Variants in FAF1 observed in about 807,000 individuals in gnomAD.
FAF1 encodes the protein FAS-associated factor 1.
FAF1 carries 25 observed loss-of-function variants against 92.5 expected under a neutral mutation model. The observed-to-expected ratio is 0.27, with a 90% CI of 0.20 to 0.38. The LOEUF is 0.38. Among genes scored for constraint, FAF1 ranks in the 10% least tolerant of loss-of-function variants. FAF1 has a pLI of 1.00. For missense variants in FAF1, 636 were observed against 793.3 expected (o/e 0.80, Z 2.38); for synonymous variants, 234 against 273.2 (o/e 0.86, Z 1.42).
intron 1 of FAF1, among the ~76,000 whole-genome samples, chr1:50,880,620 C>A (rs938524249): frequency 6.6e-6 from 1 of 152,164 alleles, no homozygotes; most frequent in Non-Finnish European, 1.5e-5. Context: ...GAGGAGCCTT[C>A]GCTAGAAATG....
rs189179824 is a variant in FAF1, at chr1:50,837,000, C to T, written c.114+20929G>A. 7.6e-3 allele frequency among the ~76,000 whole-genome samples: 1,098 copies of T among 144,646 alleles called. 12 individuals carry two copies. Among genetic ancestry groups the T allele is most frequent in the Middle Eastern group, 0.071 (20 of 280 alleles). 94.9% of individuals were successfully genotyped at this position (144,646 alleles called of 152,430 possible). ...TGAGATGGAGTCTTGCTCTGTCGCC[C>T]AGGCTGGAGTGCAGTGGTGTGATCT... On this transcript the variant is annotated intron_variant, in intron 2 of 18. Coordinates refer to ENST00000396153, the MANE Select transcript of FAF1 (RefSeq NM_007051.3).
chr1:50,496,910 C>A (rs1442492698), intron 15 of FAF1, among the ~76,000 whole-genome samples: 1 of 150,954 alleles, frequency 6.6e-6, no homozygotes, highest in African/African-American at 2.4e-5. Context: ...AAAAAGTTAT[C>A]TCTGGGATAA....
chr1:50,873,069 T>C (rs1210710930), intron 1 of FAF1, among the ~76,000 whole-genome samples: 4 of 152,184 alleles, frequency 2.6e-5, no homozygotes, highest in African/African-American at 9.7e-5. Context: ...CCTATCAACG[T>C]TGAGGCAAGA....
At chr1:50,616,908 T>A (rs1350085617) in intron 8 of FAF1, among the ~76,000 whole-genome samples, 1 of 152,180 alleles carries the variant, frequency 6.6e-6, no homozygotes, top group Admixed American at 6.5e-5. Context: ...CTCAAACTCC[T>A]GACCTCAAGT....
chr1:50,884,396 T>C (rs192124033), intron 1 of FAF1, among the ~76,000 whole-genome samples: 22 of 151,312 alleles, frequency 1.5e-4, no homozygotes, highest in African/African-American at 4.6e-4. Flanking sequence ...GGCATGGTGA[T>C]ATGCACCTGC....
intron 8 of FAF1, among the ~76,000 whole-genome samples, chr1:50,645,157 C>T (rs1654525729): frequency 6.6e-6 from 1 of 152,230 alleles, no homozygotes; most frequent in Admixed American, 6.5e-5. Context: ...TCACCACCAT[C>T]AGAAGCAACA....
At chr1:50,842,304 G>C (rs1644262498) in intron 2 of FAF1, among the ~76,000 whole-genome samples, 1 of 152,038 alleles carries the variant, frequency 6.6e-6, no homozygotes, top group Admixed American at 6.5e-5. Flanking sequence ...CCAAGAAAAA[G>C]AGTCAAGGGT....
At chr1:50,817,446 G>T (rs933807054) in intron 2 of FAF1, among the ~76,000 whole-genome samples, 1 of 152,150 alleles carries the variant, frequency 6.6e-6, no homozygotes. Context: ...CAAAATTATA[G>T]AGACAGACAG....
intron 6 of FAF1, among the ~76,000 whole-genome samples, chr1:50,725,482 G>C (rs979587565): frequency 2.6e-5 from 4 of 152,122 alleles, no homozygotes; most frequent in Non-Finnish European, 5.9e-5. Flanking sequence ...TTGAGACAGA[G>C]TCTCGCTCTG....
chr1:50,685,292 C>T (rs1656607943), intron 7 of FAF1, among the ~76,000 whole-genome samples: 2 of 152,182 alleles, frequency 1.3e-5, no homozygotes, highest in Admixed American at 6.5e-5. Context: ...AAGTTGTATT[C>T]ACCTACATTG....
chr1:50,827,224 T>C (rs939004459), intron 2 of FAF1, among the ~76,000 whole-genome samples: 18 of 152,150 alleles, frequency 1.2e-4, no homozygotes, highest in African/African-American at 4.3e-4. Context: ...AGAGATCAGA[T>C]TGTTACTTTG....
chr1:50,877,440 T>C (rs1264507670), intron 1 of FAF1, among the ~76,000 whole-genome samples: 1 of 152,108 alleles, frequency 6.6e-6, no homozygotes, highest in African/African-American at 2.4e-5. Context: ...TAAGGAAGTA[T>C]AGTAACTAAA....
At chr1:50,648,831 T>C (rs11584472) in intron 8 of FAF1, among the ~76,000 whole-genome samples, 68,717 of 151,952 alleles carry the variant, frequency 0.45, 16,639 homozygotes, top group African/African-American at 0.59. Flanking sequence ...GAAGCTGAGG[T>C]AGGAGAATCA....
chr1:50,828,956 A>T (rs1330072123), intron 2 of FAF1, among the ~76,000 whole-genome samples: 3 of 152,244 alleles, frequency 2.0e-5, no homozygotes, highest in Non-Finnish European at 4.4e-5. Context: ...AATCAACAGG[A>T]AAAAGACACA....
chr1:50,688,152 T>C (rs1656756416), intron 7 of FAF1, among the ~76,000 whole-genome samples: 1 of 149,590 alleles, frequency 6.7e-6, no homozygotes, highest in Admixed American at 6.7e-5. Flanking sequence ...AATAAATAAA[T>C]AAATAAAAAT....
chr1:50,910,637 G>A (rs539008787), intron 1 of FAF1, among the ~76,000 whole-genome samples: 1 of 151,934 alleles, frequency 6.6e-6, no homozygotes, highest in South Asian at 2.1e-4. Context: ...ATCTCAGACT[G>A]CTGTGCTAGC....
chr1:50,622,495 C>T (rs1478742929), intron 8 of FAF1, among the ~76,000 whole-genome samples: 1 of 152,188 alleles, frequency 6.6e-6, no homozygotes, highest in African/African-American at 2.4e-5. Flanking sequence ...GTGGCACTTC[C>T]AGGCCGCATT....
rs537801868 is a variant in FAF1, at chr1:50,702,547, A to T, written c.657+3239T>A. ...TTTTTCGTCTTTAAGACTACTTGCA[A>T]CTCTCTCCATTCTGACCTTTTTATA... On this transcript the variant is annotated intron_variant, in intron 7 of 18. Coordinates refer to ENST00000396153, the MANE Select transcript of FAF1 (RefSeq NM_007051.3). Among the ~76,000 whole-genome samples the T allele has an allele frequency of 5.9e-5, 9 of 152,082 alleles. No homozygotes were observed. The South Asian group carries it at 1.9e-3, about 32-fold the overall frequency.
intron 15 of FAF1, among the ~76,000 whole-genome samples, chr1:50,520,583 G>A (rs1248762615): frequency 1.3e-5 from 2 of 152,174 alleles, no homozygotes; most frequent in Non-Finnish European, 2.9e-5. Flanking sequence ...ACAGGGGCTC[G>A]CTCCTGTAAT....
Sources: gnomAD v4.1 joint callset for allele counts (sites outside exome capture counted in the v4.1 genomes callset) on GRCh38, gnomAD v4.1.1 for gene constraint, MANE v1.5 for transcripts, NCBI Gene and HGNC (gene_info 2026-07-23, HGNC 2026-07-21) for gene names.